Variants in ZMAT4 observed in about 807,000 individuals in gnomAD.
ZMAT4 encodes the protein zinc finger matrin-type 4.
Under a neutral mutation model 28.7 loss-of-function variants are expected in ZMAT4, and 17 were observed. The ratio of observed to expected loss-of-function variants is 0.59; its 90% CI spans 0.41 to 0.89. The LOEUF (loss-of-function observed/expected upper bound fraction) is 0.89. Ranked by LOEUF, ZMAT4 falls within the 40% of genes least tolerant of loss-of-function variation. The pLI is 0.00. For missense variants in ZMAT4, 240 were observed against 283.8 expected (o/e 0.85, Z 1.11); for synonymous variants, 117 against 109.2 (o/e 1.07, Z -0.44).
intron 6 of ZMAT4, among the ~76,000 whole-genome samples, chr8:40,555,404 A>C (rs2118439679): frequency 6.6e-6 from 1 of 152,288 alleles, no homozygotes; most frequent in Non-Finnish European, 1.5e-5. Flanking sequence ...ACCATCTCAG[A>C]TATACTCCAC....
Position 40,590,126 on chromosome 8 carries a change from A to G in ZMAT4, c.578-8865T>C, listed in dbSNP as rs907109376. 1.1e-4 allele frequency among the ~76,000 whole-genome samples: 16 copies of G among 149,338 alleles called. 1 individual carries two copies. The highest frequency in any genetic ancestry group is 2.7e-4 in the Admixed American group (4 of 14,912). On this transcript the variant is annotated intron_variant, in intron 5 of 6. Transcript: ENST00000297737. ...CCTCGAACTCCAGGGCTCAAGCATG[A>G]CTCCTCCCTCAGCCTCCTTAGTATT... is the stretch of plus-strand genomic sequence containing the variant.
chr8:40,664,797 A>T (rs1808338531), intron 5 of ZMAT4, among the ~76,000 whole-genome samples: 1 of 152,226 alleles, frequency 6.6e-6, no homozygotes, highest in Non-Finnish European at 1.5e-5. Context: ...AATCTTTTTT[A>T]AAATAATTAT....
chr8:40,781,789 A>AAAAAAAAAAAAAAAAAAAC (rs1563480296), intron 2 of ZMAT4, among the ~76,000 whole-genome samples: 1 of 147,848 alleles, frequency 6.8e-6, no homozygotes, highest in African/African-American at 2.5e-5. Context: ...AAAAAAAAAA[A>AAAAAAAAAAAAAAAAAAAC]AAGAAAAGAA....
chr8:40,836,341 G>A (rs905316484), intron 1 of ZMAT4, among the ~76,000 whole-genome samples: 20 of 152,100 alleles, frequency 1.3e-4, no homozygotes, highest in African/African-American at 2.9e-4. Flanking sequence ...ATTTTCACAG[G>A]AGGATAAGCT....
At chr8:40,781,684 C>T (rs1813832831) in intron 2 of ZMAT4, among the ~76,000 whole-genome samples, 1 of 137,658 alleles carries the variant, frequency 7.3e-6, no homozygotes, top group Non-Finnish European at 1.6e-5. Context: ...ATGGCGTGAA[C>T]CCGGGAGGCG....
intron 2 of ZMAT4, among the ~76,000 whole-genome samples, chr8:40,814,020 T>C (rs941742112): frequency 2.0e-5 from 3 of 151,778 alleles, no homozygotes; most frequent in African/African-American, 7.3e-5. Context: ...GGGGACGGGG[T>C]GGAGAGGAGT....
chr8:40,747,107 C>T (rs569951184), intron 3 of ZMAT4, among the ~76,000 whole-genome samples: 36 of 152,152 alleles, frequency 2.4e-4, no homozygotes, highest in African/African-American at 6.3e-4. Flanking sequence ...AGAATACGCA[C>T]GAAACTTGGA....
At chr8:40,891,362 G>T (rs1313178983) in intron 1 of ZMAT4, among the ~76,000 whole-genome samples, 1 of 147,760 alleles carries the variant, frequency 6.8e-6, no homozygotes, top group Non-Finnish European at 1.5e-5. Flanking sequence ...CACCCTGCCT[G>T]GTGTATCCCT....
chr8:40,750,879 T>A (rs1812427321), intron 3 of ZMAT4, among the ~76,000 whole-genome samples: 1 of 152,252 alleles, frequency 6.6e-6, no homozygotes, highest in East Asian at 1.9e-4. Flanking sequence ...TATAAAATAA[T>A]CACTCTCTTT....
chr8:40,559,601 C>T (rs1223337204), intron 6 of ZMAT4, among the ~76,000 whole-genome samples: 1 of 152,098 alleles, frequency 6.6e-6, no homozygotes, highest in East Asian at 1.9e-4. Flanking sequence ...TCAGAATGCC[C>T]ATCTTGTAGG....
chr8:40,606,533 C>T (rs952435130), intron 5 of ZMAT4, among the ~76,000 whole-genome samples: 1 of 152,234 alleles, frequency 6.6e-6, no homozygotes, highest in Non-Finnish European at 1.5e-5. Context: ...TGCAGGGTTT[C>T]TGCTGAAAAA....
intron 2 of ZMAT4, among the ~76,000 whole-genome samples, chr8:40,823,758 A>C (rs1343258323): frequency 6.6e-6 from 1 of 152,184 alleles, no homozygotes; most frequent in Non-Finnish European, 1.5e-5. Flanking sequence ...GAAATTTGGA[A>C]GTCCTTAATT....
At chr8:40,891,382 T>C (rs1167992595) in intron 1 of ZMAT4, among the ~76,000 whole-genome samples, 1 of 150,878 alleles carries the variant, frequency 6.6e-6, no homozygotes, top group Non-Finnish European at 1.5e-5. Flanking sequence ...TTGGGTTCTC[T>C]CCATGGGCCA....
intron 2 of ZMAT4, among the ~76,000 whole-genome samples, chr8:40,770,021 C>T (rs896517946): frequency 2.6e-5 from 4 of 152,120 alleles, no homozygotes; most frequent in South Asian, 2.1e-4. Flanking sequence ...TTTCCTCCCT[C>T]GGGGCCCCCC....
Position 40,683,378 on chromosome 8 carries a change from C to T in ZMAT4, c.350-8447G>A, listed in dbSNP as rs144372641. On this transcript the variant is annotated intron_variant, in intron 4 of 6. Coordinates refer to ENST00000297737, the MANE Select transcript of ZMAT4 (RefSeq NM_024645.3). ...TCCCTGAGTTCATTATTAAAATCTC[C>T]GGTTATGGCCACAGTTCTCAAACTC... Among the ~76,000 whole-genome samples, 21 of 152,304 alleles carry T rather than the reference C, an allele frequency of 1.4e-4. No individual in the cohort carries two copies. The South Asian group carries it at 1.5e-3, about 11-fold the overall frequency.
chr8:40,624,776 G>T (rs559623364), intron 5 of ZMAT4, among the ~76,000 whole-genome samples: 2 of 152,226 alleles, frequency 1.3e-5, no homozygotes, highest in East Asian at 3.9e-4. Flanking sequence ...AGCTGGTCAA[G>T]CCTAGTTTTC....
intron 2 of ZMAT4, among the ~76,000 whole-genome samples, chr8:40,799,382 T>C (rs890525014): frequency 6.6e-6 from 1 of 152,250 alleles, no homozygotes; most frequent in Non-Finnish European, 1.5e-5. Context: ...TCTCACTCTT[T>C]CCCTTTCCGT....
intron 1 of ZMAT4, among the ~76,000 whole-genome samples, chr8:40,829,544 A>G (rs962421618): frequency 2.6e-5 from 4 of 152,170 alleles, no homozygotes; most frequent in African/African-American, 9.7e-5. Context: ...GAGTGCTTTT[A>G]TTGATTCTAT....
chr8:40,733,540 C>T (rs1300840816), intron 3 of ZMAT4, among the ~76,000 whole-genome samples: 2 of 151,792 alleles, frequency 1.3e-5, no homozygotes, highest in African/African-American at 4.8e-5. Flanking sequence ...TGCTGAAATG[C>T]AGAAGCTTTT....
Sources: gnomAD v4.1 joint callset for allele counts (sites outside exome capture counted in the v4.1 genomes callset) on GRCh38, gnomAD v4.1.1 for gene constraint, MANE v1.5 for transcripts, NCBI Gene and HGNC (gene_info 2026-07-23, HGNC 2026-07-21) for gene names.